Variants in LCA5 observed in about 807,000 individuals in gnomAD.
LCA5 encodes the protein lebercilin.
LCA5 carries 37 observed loss-of-function variants against 53.0 expected under a neutral mutation model. The ratio of observed to expected loss-of-function variants is 0.70; its 90% confidence interval spans 0.54 to 0.92. LCA5 has a LOEUF of 0.92. Ranked by LOEUF, LCA5 falls within the 40% of genes least tolerant of loss-of-function variation. The pLI, the probability that LCA5 is intolerant of heterozygous loss-of-function variation, is 0.00. For synonymous variants in LCA5, 303 were observed against 282.9 expected (o/e 1.07, Z -0.71); for missense variants, 806 against 790.5 (o/e 1.02, Z -0.23).
chr6:79,489,003 G>A, intron 7 of LCA5, 81 bp downstream of exon 7: 1 of 1,501,870 alleles, frequency 6.7e-7, no homozygotes, highest in Non-Finnish European at 9.2e-7. Flanking sequence ...CAGTTAAGCT[G>A]GAAGATATTA....
intron 2 of LCA5, among the ~76,000 whole-genome samples, chr6:79,516,422 G>A (rs1489827660): frequency 2.6e-5 from 4 of 151,696 alleles, no homozygotes; most frequent in Admixed American, 6.6e-5. Context: ...AAATTATACC[G>A]CTCATAAAAC....
At position 79,488,123 on chromosome 6, in the gene LCA5, C is replaced by T. The variant is rs1160899098; in HGVS notation, c.1232-257G>A. The T allele has an allele frequency of 7.0e-6, 3 of 428,814 alleles. No homozygotes were observed. The East Asian group carries it at 1.4e-4, about 20-fold the overall frequency. The allele number at this position is 428,814 out of a possible 1,614,324, so 26.6% of individuals were successfully genotyped here. On this transcript the variant is annotated intron_variant, in intron 7 of 7. Coordinates refer to ENST00000369846, the MANE Select transcript of LCA5 (RefSeq NM_001122769.3). ...ACTGGTGGGGAAGAAAGGTTCTTTG[C>T]CTATTTTTTATAACTAATATAATGC...
chr6:79,506,175 C>A (rs1280595490), intron 3 of LCA5, among the ~76,000 whole-genome samples: 1 of 152,122 alleles, frequency 6.6e-6, no homozygotes, highest in Non-Finnish European at 1.5e-5. Context: ...TCCCCAAAAT[C>A]TTTAGAAATT....
chr6:79,516,741 C>T (rs1245116242), intron 2 of LCA5, among the ~76,000 whole-genome samples: 1 of 151,796 alleles, frequency 6.6e-6, no homozygotes, highest in Non-Finnish European at 1.5e-5. Context: ...TTCATCTCTC[C>T]TTCTTAAGTC....
At chr6:79,503,412 T>C (rs1770194458) in intron 3 of LCA5, among the ~76,000 whole-genome samples, 1 of 152,152 alleles carries the variant, frequency 6.6e-6, no homozygotes, top group Non-Finnish European at 1.5e-5. Flanking sequence ...CTGCCAAAAT[T>C]TGAAAAACCA....
intron 3 of LCA5, among the ~76,000 whole-genome samples, chr6:79,501,300 CCATT>C (rs1352662971): frequency 6.6e-6 from 1 of 152,076 alleles, no homozygotes; most frequent in Non-Finnish European, 1.5e-5. Flanking sequence ...ACATATCCAT[CCATT>C]CATTCTTTTA....
At chr6:79,505,936 G>C (rs986143960) in intron 3 of LCA5, among the ~76,000 whole-genome samples, 2 of 152,060 alleles carry the variant, frequency 1.3e-5, no homozygotes, top group African/African-American at 4.8e-5. Context: ...AAGAGTAAAG[G>C]GAAGACAATG....
intron 6 of LCA5, among the ~76,000 whole-genome samples, chr6:79,491,049 CA>C (rs35640934): frequency 6.2e-4 from 90 of 145,956 alleles, no homozygotes; most frequent in Middle Eastern, 3.6e-3. Flanking sequence ...TATAGAGGAC[CA>C]AAAAAAAAAA....
intron 4 of LCA5, 80 bp from the exon 5 acceptor site, chr6:79,492,727 A>G (rs1769878989): frequency 1.3e-6 from 1 of 751,588 alleles, no homozygotes; most frequent in South Asian, 1.6e-5. Flanking sequence ...GTCATCTGGT[A>G]TTTTCTTACC....
intron 3 of LCA5, among the ~76,000 whole-genome samples, chr6:79,501,758 G>T (rs1041423692): frequency 2.7e-5 from 4 of 150,304 alleles, no homozygotes; most frequent in Non-Finnish European, 4.4e-5. Context: ...TTCTATAACT[G>T]TATATACTAT....
rs758968702 is a variant in LCA5 at position 79,487,011 on chromosome 6, A to T, written c.2087T>A (p.Leu696Gln). 6.2e-7 allele frequency: 1 copy of T among 1,612,676 alleles called. No homozygotes were observed. Among genetic ancestry groups the T allele is most frequent in the African/African-American group, 1.3e-5 (1 of 75,034 alleles). Residue 696 changes from leucine to glutamine, a missense_variant, in exon 8 of 8, where the codon CTG (leucine) becomes CAG (glutamine). Coordinates refer to ENST00000369846, the MANE Select transcript of LCA5 (RefSeq NM_001122769.3). Reference sequence around the variant, plus strand: ...AATGTATACTCTAGTCAGTCATCTCAGTGCTACTTCTTCAATTTCATCTTC... The same window carrying T: ...AATGTATACTCTAGTCAGTCATCTCTGTGCTACTTCTTCAATTTCATCTTC... ...SVEDEIEEVALR is the reference protein window; with the variant it reads ...SVEDEIEEVAQR
At position 79,522,749 on chromosome 6, in the gene LCA5, T is replaced by C. The variant is rs1766658684; in HGVS notation, c.-191-3664A>G. Reference sequence around the variant, plus strand: ...TTGCCTAGACTGGAGTGCAGTGGCATGATCATGGCTTACTGCAACCTTGAA... The same window carrying C: ...TTGCCTAGACTGGAGTGCAGTGGCACGATCATGGCTTACTGCAACCTTGAA... On this transcript the variant is annotated intron_variant, in intron 1 of 7. Transcript: ENST00000369846. Among the ~76,000 whole-genome samples the C allele has an allele frequency of 3.3e-5, 5 of 152,294 alleles. No homozygotes were observed. In the South Asian group the frequency reaches 8.3e-4, roughly 25 times the overall value.
At chr6:79,536,697 T>C (rs1263156183) in intron 1 of LCA5, among the ~76,000 whole-genome samples, 2 of 152,222 alleles carry the variant, frequency 1.3e-5, no homozygotes, top group Admixed American at 1.3e-4. Context: ...ACACATCTAT[T>C]ATTATCCGAG....
At position 79,536,355 on chromosome 6, in the gene LCA5, C is replaced by T. The variant is rs181894321; in HGVS notation, c.-192+810G>A. Among the ~76,000 whole-genome samples the T allele has an allele frequency of 1.2e-4, 18 of 152,274 alleles. No individual in the cohort carries two copies. The East Asian group carries it at 3.1e-3, about 26-fold the overall frequency. On this transcript the variant is annotated intron_variant, in intron 1 of 7. Coordinates refer to ENST00000369846, the MANE Select transcript of LCA5 (RefSeq NM_001122769.3). Reference sequence around the variant, plus strand: ...ATGACTTCTGATTGCAAAGATATCTCTAATGCAAGTTCTTAACGTGAAGAT... The same window carrying T: ...ATGACTTCTGATTGCAAAGATATCTTTAATGCAAGTTCTTAACGTGAAGAT...
At chr6:79,489,567 T>A (rs1168033571) in intron 6 of LCA5, among the ~76,000 whole-genome samples, 1 of 152,160 alleles carries the variant, frequency 6.6e-6, no homozygotes, top group African/African-American at 2.4e-5. Flanking sequence ...CAGAAATGAC[T>A]ATTCGCCAAC....
chr6:79,489,776 A>C (rs1331296682), intron 6 of LCA5, among the ~76,000 whole-genome samples: 1 of 152,106 alleles, frequency 6.6e-6, no homozygotes, highest in Admixed American at 6.6e-5. Context: ...ATTATTAGTA[A>C]AGACTTGTCT....
At chr6:79,497,935 C>T (rs535466894) in intron 3 of LCA5, among the ~76,000 whole-genome samples, 6 of 133,762 alleles carry the variant, frequency 4.5e-5, no homozygotes, top group East Asian at 4.2e-4. Context: ...CCAGAGTGGG[C>T]GACAGAGTGA....
At position 79,487,313 on chromosome 6, in the gene LCA5, A is replaced by T. The variant is rs544388502; in HGVS notation, c.1785T>A (p.Ile595=). The change falls in exon 8 of 8, where the codon ATT becomes ATA. Residue 595 remains isoleucine (I), a synonymous_variant. Coordinates refer to ENST00000369846, the MANE Select transcript of LCA5 (RefSeq NM_001122769.3). ...AATTAGCTTTTTTCTCTTTTCTTGT[A>T]ATTAAATCTACACCATCTTTACTAA... ...EKLSKDGVDL[I]TRKEKKANLM... 1.6e-4 allele frequency: 253 copies of T among 1,614,002 alleles called. 2 individuals are homozygous for T. In the South Asian group the frequency reaches 2.7e-3, roughly 17 times the overall value.
intron 3 of LCA5, among the ~76,000 whole-genome samples, chr6:79,495,039 G>C (rs189736344): frequency 2.0e-5 from 3 of 152,202 alleles, no homozygotes; most frequent in African/African-American, 7.2e-5. Context: ...GGTAGGAACC[G>C]GGCTTGCACA....
Sources: allele counts gnomAD v4.1 joint callset (sites outside exome capture counted in the v4.1 genomes callset), GRCh38; gene constraint gnomAD v4.1.1; transcripts MANE v1.5; gene names NCBI Gene and HGNC (gene_info 2026-07-23, HGNC 2026-07-21).